Variants in CASZ1 observed in about 807,000 individuals in gnomAD.
CASZ1 encodes the protein castor zinc finger 1, also known as zinc finger protein castor homolog 1.
A neutral mutation model predicts 135.2 loss-of-function variants in CASZ1; 28 were observed. The ratio of observed to expected loss-of-function variants is 0.21; its 90% CI spans 0.15 to 0.28. The LOEUF (loss-of-function observed/expected upper bound fraction) is 0.28, where lower values mean the gene tolerates loss of function less well. CASZ1 is among the 10% of genes least tolerant of loss of function. CASZ1 has a pLI of 1.00. For missense variants in CASZ1, 2,161 were observed against 2,453.3 expected (o/e 0.88, Z 2.52); for synonymous variants, 1,068 against 1,073.4 (o/e 0.99, Z 0.10).
rs1393734077 is a variant in CASZ1, at chr1:10,739,348, AC to A, written c.-77+21352del. Among the ~76,000 whole-genome samples, 2 of 151,582 alleles carry A rather than the reference AC, an allele frequency of 1.3e-5. No homozygotes were observed. The highest frequency in any genetic ancestry group is 1.3e-4 in the Admixed American group (2 of 15,242). On this transcript the variant is annotated intron_variant, in intron 2 of 20. Coordinates refer to ENST00000377022, the MANE Select transcript of CASZ1 (RefSeq NM_001079843.3). This position sits in a 1 kb window ranked among gnomAD's most constrained non-coding sequence, Gnocchi z 4.8. ...CTCTGTGAGTGTCACCGCGAGGGAA[AC>A]CCTCCCAGGGGCCCGGGCCCAGGGT...
rs935926921 is a variant in CASZ1 at position 10,676,346 on chromosome 1, C to T, written c.17-10775G>A. On this transcript the variant is annotated intron_variant, in intron 4 of 20. Transcript: ENST00000377022. The surrounding 1 kb of genome is among the most constrained non-coding windows in gnomAD (Gnocchi z 4.5). ...AGGGCCCCTGCCTGTCCCATGCTCACCCCTGTCCTTCCTCTCCAAGGAGAG... is the reference window on the plus strand; with the variant it reads ...AGGGCCCCTGCCTGTCCCATGCTCATCCCTGTCCTTCCTCTCCAAGGAGAG... Among the ~76,000 whole-genome samples the T allele has an allele frequency of 3.3e-5, 5 of 152,188 alleles. No homozygotes were observed. The highest frequency in any genetic ancestry group is 1.2e-4 in the African/African-American group (5 of 41,452).
intron 20 of CASZ1, among the ~76,000 whole-genome samples, chr1:10,642,501 G>T (rs1380963393): frequency 6.8e-6 from 1 of 147,978 alleles, no homozygotes; most frequent in African/African-American, 2.7e-5. Flanking sequence ...AGAGAGAGGC[G>T]GGGCAGTGCC....
rs1341330877 is a variant in CASZ1 at position 10,666,335 on chromosome 1, T to C, written c.17-764A>G. On this transcript the variant is annotated intron_variant, in intron 4 of 20. Transcript: ENST00000377022. This position sits in a 1 kb window ranked among gnomAD's most constrained non-coding sequence, Gnocchi z 5.2. ...TTCTCCAGCCCTTGCCAGCCCCCTC[T>C]TGGCCTCTCTGTCCATTTCCTGTTG... Among the ~76,000 whole-genome samples the C allele has an allele frequency of 6.6e-6, 1 of 152,160 alleles. No homozygotes were observed. Among genetic ancestry groups the C allele is most frequent in the African/African-American group, 2.4e-5 (1 of 41,448 alleles).
rs760833806 is a variant in CASZ1 at position 10,648,070 on chromosome 1, G to A, written c.3228C>T (p.Ala1076=). ...NTEAAFPASA[A]ETKPPMAPSS... ...AGGGGGCCATGGGAGGTTTGGTCTC[G>A]GCGGCCGAGGCCGGAAAGGCAGCCT... The change falls in exon 16 of 21, where the codon GCC becomes GCT. Residue 1076 remains alanine, a synonymous_variant. Transcript: ENST00000377022. 8 of 1,589,846 alleles carry A rather than the reference G, an allele frequency of 5.0e-6. No individual in the cohort carries two copies. The highest frequency in any genetic ancestry group is 3.4e-5 in the South Asian group (3 of 88,374).
intron 1 of CASZ1, among the ~76,000 whole-genome samples, chr1:10,779,721 T>C (rs185158666): frequency 4.4e-4 from 67 of 152,356 alleles, no homozygotes; most frequent in Admixed American, 2.2e-3. Context: ...TGGCATTTGG[T>C]ATAGTTTTTC....
At chr1:10,642,748 G>C (rs1296070089) in intron 20 of CASZ1, 111 bp downstream of exon 20, 2 of 1,245,372 alleles carry the variant, frequency 1.6e-6, no homozygotes, top group South Asian at 1.5e-5. Flanking sequence ...ACGCCAGCCT[G>C]TCCTCCTCGG....
intron 18 of CASZ1, among the ~76,000 whole-genome samples, chr1:10,644,575 T>A (rs996649020): frequency 6.6e-6 from 1 of 152,220 alleles, no homozygotes; most frequent in African/African-American, 2.4e-5. Flanking sequence ...CAAAGAACGT[T>A]GAACTCCTAA....
chr1:10,712,126 A>C (rs894764954), intron 2 of CASZ1, among the ~76,000 whole-genome samples: 1 of 152,192 alleles, frequency 6.6e-6, no homozygotes, highest in Admixed American at 6.5e-5. Flanking sequence ...CAGGCAGATC[A>C]CTTGAGGTCA....
At chr1:10,667,225 G>A (rs1383928758) in intron 4 of CASZ1, among the ~76,000 whole-genome samples, 1 of 152,234 alleles carries the variant, frequency 6.6e-6, no homozygotes, top group African/African-American at 2.4e-5. Flanking sequence ...TAGACACAGT[G>A]CCTGGCCGTC....
intron 2 of CASZ1, among the ~76,000 whole-genome samples, chr1:10,754,365 C>T (rs1294868147): frequency 1.3e-5 from 2 of 152,190 alleles, no homozygotes; most frequent in Non-Finnish European, 2.9e-5. Flanking sequence ...TCATTTCGAG[C>T]ACCTACAATG....
In CASZ1 at chr1:10,647,536, T is replaced by C; in HGVS notation, c.3497+265A>G. On this transcript the variant is annotated intron_variant, in intron 16 of 20. Transcript: ENST00000377022. The surrounding 1 kb of genome is among the most constrained non-coding windows in gnomAD (Gnocchi z 4.9). ...ACGCCCAGTCCACCCCACCTGGCCC[T>C]GGCAGGATCACCACATGCCCTGCAG... The C allele has an allele frequency of 2.2e-6, 3 of 1,365,802 alleles. No individual in the cohort carries two copies. In the South Asian group the frequency reaches 4.6e-5, roughly 21 times the overall value. 84.6% of individuals were successfully genotyped at this position (1,365,802 alleles called of 1,614,324 possible).
chr1:10,708,315 CAAGT>C (rs1296600787), intron 2 of CASZ1, among the ~76,000 whole-genome samples: 15 of 152,184 alleles, frequency 9.9e-5, no homozygotes, highest in Non-Finnish European at 2.2e-4. Context: ...TCCCATTGCA[CAAGT>C]AAGGATGAGT....
intron 1 of CASZ1, among the ~76,000 whole-genome samples, chr1:10,771,277 C>T (rs1242116691): frequency 5.1e-5 from 2 of 39,242 alleles, no homozygotes; most frequent in African/African-American, 1.1e-4. Flanking sequence ...GAGGTGGGGG[C>T]GGGGGTGGCG....
At chr1:10,753,435 C>G (rs1267523322) in intron 2 of CASZ1, among the ~76,000 whole-genome samples, 1 of 152,222 alleles carries the variant, frequency 6.6e-6, no homozygotes, top group Non-Finnish European at 1.5e-5. Context: ...CACTGCACCC[C>G]GCAAAGTCAC....
rs205484 is a variant in CASZ1, at chr1:10,755,364, T to C, written c.-77+5337A>G. ...GTCAGGACTCCGGGACTCCTCCATG[T>C]GTGAGACCTGACGTCGCCTCTCCAA... On this transcript the variant is annotated intron_variant, in intron 2 of 20. Transcript: ENST00000377022. This position sits in a 1 kb window ranked among gnomAD's most constrained non-coding sequence, Gnocchi z 4.3. 0.078 allele frequency among the ~76,000 whole-genome samples: 11,896 copies of C among 152,232 alleles called. 537 individuals carry two copies. Among genetic ancestry groups the C allele is most frequent in the East Asian group, 0.22 (1,157 of 5,178 alleles).
rs76716769 is a variant in CASZ1 at position 10,647,448 on chromosome 1, C to T, written c.3497+353G>A. The stretch of plus-strand genomic sequence containing the variant: ...GTGTGAGCCACAGAGGAGGCCAATA[C>T]GGAGGCTCGGAGGGAGACGCAGCCC... On this transcript the variant is annotated intron_variant, in intron 16 of 20. Coordinates refer to ENST00000377022, the MANE Select transcript of CASZ1 (RefSeq NM_001079843.3). This position sits in a 1 kb window ranked among gnomAD's most constrained non-coding sequence, Gnocchi z 4.9. The T allele has an allele frequency of 5.1e-4, 603 of 1,184,966 alleles. 4 individuals are homozygous for T. The African/African-American group carries it at 9.0e-3, about 18-fold the overall frequency. 73.4% of individuals were successfully genotyped at this position (1,184,966 alleles called of 1,614,324 possible). A position where few individuals can be genotyped will look rare whatever the true frequency, so the allele number is the denominator to read the frequency against.
At chr1:10,769,530 T>A (rs544854120) in intron 1 of CASZ1, among the ~76,000 whole-genome samples, 2 of 152,332 alleles carry the variant, frequency 1.3e-5, no homozygotes, top group Non-Finnish European at 2.9e-5. Flanking sequence ...TAGTTAATTT[T>A]TTTTTGAGAT....
intron 20 of CASZ1, among the ~76,000 whole-genome samples, chr1:10,640,711 A>T (rs1421224131): frequency 2.0e-5 from 3 of 152,174 alleles, no homozygotes; most frequent in African/African-American, 4.8e-5. Flanking sequence ...GAGGACCAGG[A>T]CTCAGGGAGC....
At chr1:10,753,253 G>A (rs548554058) in intron 2 of CASZ1, among the ~76,000 whole-genome samples, 1 of 152,258 alleles carries the variant, frequency 6.6e-6, no homozygotes, top group African/African-American at 2.4e-5. Context: ...GTTCCTACGG[G>A]GTGAGCAGGA....
Sources: allele counts gnomAD v4.1 joint callset (sites outside exome capture counted in the v4.1 genomes callset), GRCh38; gene constraint gnomAD v4.1.1; non-coding constraint Gnocchi (gnomAD v3.1); transcripts MANE v1.5; gene names NCBI Gene and HGNC (gene_info 2026-07-23, HGNC 2026-07-21).